FKBP9: variants seen among roughly 807,000 people sequenced by gnomAD.
The protein encoded by FKBP9 is FKBP prolyl isomerase 9.
In FKBP9, 27 loss-of-function variants were observed where a neutral mutation model predicts 55.6. The observed-to-expected ratio is 0.49, with a 90% confidence interval of 0.36 to 0.67. The LOEUF is 0.67. Ranked by LOEUF, FKBP9 falls within the 30% of genes least tolerant of loss-of-function variation. FKBP9 has a pLI of 0.00. For missense variants in FKBP9, 539 were observed against 742.8 expected, an observed-to-expected ratio of 0.73 and a Z score of 3.19; for synonymous variants, 267 against 296.5, an observed-to-expected ratio of 0.90 and a Z score of 1.02.
intron 1 of FKBP9, among the ~76,000 whole-genome samples, chr7:32,958,931 A>G (rs1783960285): frequency 6.6e-6 from 1 of 151,918 alleles, no homozygotes; most frequent in Non-Finnish European, 1.5e-5. Context: ...AGGCAGAGAG[A>G]GCTATTTGTT....
At chr7:32,989,401 AT>A (rs1457840695) in intron 6 of FKBP9, among the ~76,000 whole-genome samples, 4 of 151,762 alleles carry the variant, frequency 2.6e-5, no homozygotes, top group Non-Finnish European at 4.4e-5. Flanking sequence ...AGAAATAAAG[AT>A]TTTTTTTCCT....
chr7:32,960,800 A>C (rs1784006278), intron 1 of FKBP9, among the ~76,000 whole-genome samples: 1 of 152,194 alleles, frequency 6.6e-6, no homozygotes, highest in African/African-American at 2.4e-5. Context: ...CTATTACAAC[A>C]TGGTGTGATA....
In FKBP9 at chr7:33,005,754, T is replaced by A; in HGVS notation, c.*403T>A. The A allele has an allele frequency of 4.3e-6, 1 of 235,040 alleles. No individual in the cohort carries two copies. Among genetic ancestry groups the A allele is most frequent in the Non-Finnish European group, 8.4e-6 (1 of 119,336 alleles). The allele number at this position is 235,040 out of a possible 1,614,324, so 14.6% of individuals were successfully genotyped here. ...AAAGAGGGTTAAATTTTTTTTTAAC[T>A]TGCTGGTTAAAACATTTTAGAAATA... On this transcript the variant is annotated 3_prime_UTR_variant, in exon 10 of 10. Transcript: ENST00000242209.
chr7:32,957,681 GCAGATCGA>G lies in FKBP9; in HGVS notation c.109_116del (p.Gln37AlafsTer37). ...CGGGCCTGGGCTCCGACGCGGAGCT[GCAGATCGA>G]GCGGCGCTTCGTGCCCGACGAGTGC... On this transcript the variant is annotated frameshift_variant, in exon 1 of 10. Coordinates refer to ENST00000242209, the MANE Select transcript of FKBP9 (RefSeq NM_007270.5). LOFTEE classifies it high-confidence loss of function. 5.9e-6 allele frequency: 9 copies of G among 1,526,910 alleles called. No homozygotes were observed. The highest frequency in any genetic ancestry group is 1.4e-5 in the African/African-American group (1 of 69,694). The allele number at this position is 1,526,910 out of a possible 1,614,324, so 94.6% of individuals were successfully genotyped here.
intron 1 of FKBP9, among the ~76,000 whole-genome samples, chr7:32,970,437 C>A (rs1175691426): frequency 6.6e-6 from 1 of 151,996 alleles, no homozygotes; most frequent in African/African-American, 2.4e-5. Context: ...TTCAGGTGAT[C>A]CGCCCGCCTT....
chr7:32,977,857 A>G (rs1368825238), intron 4 of FKBP9, among the ~76,000 whole-genome samples: 2 of 135,162 alleles, frequency 1.5e-5, no homozygotes, highest in African/African-American at 2.7e-5. Context: ...ACTCATATAT[A>G]TATATACATG....
intron 5 of FKBP9, among the ~76,000 whole-genome samples, chr7:32,980,830 G>A (rs1325450620): frequency 2.6e-5 from 4 of 151,848 alleles, no homozygotes; most frequent in Admixed American, 2.6e-4. Flanking sequence ...GAACTCCTGG[G>A]CTCAAGCAAT....
intron 4 of FKBP9, among the ~76,000 whole-genome samples, chr7:32,979,263 C>T (rs544771688): frequency 3.1e-4 from 47 of 151,320 alleles, no homozygotes; most frequent in African/African-American, 9.2e-4. Context: ...AGCGAGACTC[C>T]GTCTCAAGAA....
intron 1 of FKBP9, among the ~76,000 whole-genome samples, chr7:32,967,817 C>A (rs1156979572): frequency 3.3e-5 from 5 of 151,946 alleles, no homozygotes; most frequent in African/African-American, 1.2e-4. Flanking sequence ...TACAGTAGTG[C>A]GATCTCAGCT....
chr7:32,997,884 C>T (rs927497636), intron 7 of FKBP9, among the ~76,000 whole-genome samples: 1 of 152,118 alleles, frequency 6.6e-6, no homozygotes, highest in South Asian at 2.1e-4. Flanking sequence ...CTCTCCCTCT[C>T]GGTATGGGAT....
chr7:32,981,857 A>T (rs942930268), intron 5 of FKBP9, among the ~76,000 whole-genome samples: 1 of 148,068 alleles, frequency 6.8e-6, no homozygotes, highest in Admixed American at 6.8e-5. Context: ...AGATCACACC[A>T]CTGCACTCCA....
chr7:32,982,806 A>G (rs549228159), intron 5 of FKBP9, among the ~76,000 whole-genome samples: 4 of 152,324 alleles, frequency 2.6e-5, no homozygotes, highest in Admixed American at 1.3e-4. Flanking sequence ...ACAGCTGCAT[A>G]TATTTCATTG....
intron 1 of FKBP9, among the ~76,000 whole-genome samples, chr7:32,965,870 T>C (rs867848989): frequency 2.8e-5 from 1 of 35,944 alleles, no homozygotes; most frequent in Non-Finnish European, 5.1e-5. Context: ...TATATATACA[T>C]ACATATATAT....
intron 1 of FKBP9, among the ~76,000 whole-genome samples, chr7:32,973,884 G>A (rs1784304962): frequency 7.0e-6 from 1 of 142,910 alleles, no homozygotes; most frequent in Non-Finnish European, 1.5e-5. Context: ...TAGAGATGGG[G>A]TTTCACCGTG....
At position 32,957,578 on chromosome 7, in the gene FKBP9, C is replaced by A; in HGVS notation, c.5C>A (p.Ala2Glu). 1 of 1,464,628 alleles carries A rather than the reference C, an allele frequency of 6.8e-7. No individual in the cohort carries two copies. Among genetic ancestry groups the A allele is most frequent in the Non-Finnish European group, 9.0e-7 (1 of 1,117,250 alleles). 90.7% of individuals were successfully genotyped at this position (1,464,628 alleles called of 1,614,324 possible). ...GCCACTCTTCTCGCCGCCCCGATGGCGTTCCGGGGCTGGAGGCCCCCGCCG... is the reference window on the plus strand; with the variant it reads ...GCCACTCTTCTCGCCGCCCCGATGGAGTTCCGGGGCTGGAGGCCCCCGCCG... M[A>E]FRGWRPPPPP... The change falls in exon 1 of 10, where the codon GCG becomes GAG. Residue 2 changes from alanine to glutamate, a missense_variant. By Grantham distance (107) the Ala-to-Glu change is moderately radical. Coordinates refer to ENST00000242209, the MANE Select transcript of FKBP9 (RefSeq NM_007270.5).
intron 1 of FKBP9, among the ~76,000 whole-genome samples, chr7:32,965,812 A>AAAAT (rs1554284289): frequency 1.7e-4 from 6 of 34,938 alleles, no homozygotes; most frequent in East Asian, 1.5e-3. Context: ...AAAAAAAAAA[A>AAAAT]ATATATATAT....
Position 32,996,179 on chromosome 7 carries a change from G to A in FKBP9, c.1056G>A (p.Ser352=), listed in dbSNP as rs778182886. 1.5e-5 allele frequency: 24 copies of A among 1,613,938 alleles called. No homozygotes were observed. The highest frequency in any genetic ancestry group is 5.0e-5 in the Admixed American group (3 of 59,998). ...GEEGRGNIPG[S]AVLVFDIHVI... The stretch of plus-strand genomic sequence containing the variant: ...GTCCTTTAGGGAATATCCCCGGCTC[G>A]GCTGTGCTGGTGTTTGACATCCATG... Residue 352 remains serine, a synonymous_variant, in exon 7 of 10, where the codon TCG becomes TCA. Transcript: ENST00000242209.
At chr7:32,961,456 T>C (rs937613922) in intron 1 of FKBP9, among the ~76,000 whole-genome samples, 6 of 152,220 alleles carry the variant, frequency 3.9e-5, no homozygotes, top group Non-Finnish European at 7.3e-5. Flanking sequence ...TCCCAGCTGA[T>C]GCTACTGGTC....
chr7:33,003,458 A>G (rs917858183), intron 9 of FKBP9, among the ~76,000 whole-genome samples: 3 of 151,860 alleles, frequency 2.0e-5, no homozygotes, highest in African/African-American at 7.3e-5. Context: ...TGTTTCTTTC[A>G]TTGCTTTCCT....
Sources: gnomAD v4.1 joint callset for allele counts (sites outside exome capture counted in the v4.1 genomes callset) on GRCh38, gnomAD v4.1.1 for gene constraint, MANE v1.5 for transcripts, NCBI Gene and HGNC (gene_info 2026-07-23, HGNC 2026-07-21) for gene names.